NEGR1: variants seen among roughly 807,000 people sequenced by gnomAD.
NEGR1 encodes neuronal growth regulator 1.
Under a neutral mutation model 40.9 loss-of-function variants are expected in NEGR1, and 10 were observed. That is an observed-to-expected ratio of 0.24 (90% CI 0.15 to 0.42). NEGR1 has a LOEUF of 0.42. Among genes scored for constraint, NEGR1 ranks in the 10% least tolerant of loss-of-function variants. NEGR1 has a pLI of 1.00. For synonymous variants in NEGR1, 185 were observed against 166.8 expected (o/e 1.11, Z -0.84); for missense variants, 352 against 438.9 (o/e 0.80, Z 1.77).
chr1:72,176,191 G>C (rs573517055), intron 1 of NEGR1, among the ~76,000 whole-genome samples: 1 of 152,062 alleles, frequency 6.6e-6, no homozygotes, highest in Non-Finnish European at 1.5e-5. Flanking sequence ...GCAATGGTAT[G>C]TAGAATTTTA....
At chr1:72,068,793 T>C (rs1396252266) in intron 1 of NEGR1, among the ~76,000 whole-genome samples, 2 of 152,212 alleles carry the variant, frequency 1.3e-5, no homozygotes, top group East Asian at 3.8e-4. Context: ...AAATTGTCTC[T>C]AAATGCCAGT....
At chr1:71,541,963 A>C (rs749882722) in intron 6 of NEGR1, among the ~76,000 whole-genome samples, 2 of 151,754 alleles carry the variant, frequency 1.3e-5, no homozygotes, top group Non-Finnish European at 2.9e-5. Context: ...TTTTCCTGAC[A>C]CTATTCTAAG....
intron 6 of NEGR1, among the ~76,000 whole-genome samples, chr1:71,431,137 G>C: frequency 6.7e-6 from 1 of 149,214 alleles, no homozygotes; most frequent in Non-Finnish European, 1.5e-5. Context: ...TTATGATCAG[G>C]CAATAAATAT....
At chr1:71,574,559 T>C (rs939574329) in intron 6 of NEGR1, among the ~76,000 whole-genome samples, 4 of 152,136 alleles carry the variant, frequency 2.6e-5, no homozygotes, top group Non-Finnish European at 5.9e-5. Context: ...CCAGAAATTA[T>C]TGAATAAAAT....
At chr1:71,942,331 CT>C (rs1305520802) in intron 1 of NEGR1, among the ~76,000 whole-genome samples, 1 of 148,376 alleles carries the variant, frequency 6.7e-6, no homozygotes, top group Non-Finnish European at 1.5e-5. Flanking sequence ...ATTTTTCTTA[CT>C]TTTTTCATGC....
At chr1:72,040,307 G>C (rs1646940965) in intron 1 of NEGR1, among the ~76,000 whole-genome samples, 1 of 151,784 alleles carries the variant, frequency 6.6e-6, no homozygotes, top group African/African-American at 2.4e-5. Flanking sequence ...ATTCTGTGTT[G>C]AATCTGCAAT....
intron 6 of NEGR1, among the ~76,000 whole-genome samples, chr1:71,447,325 CAA>C (rs2101322481): frequency 6.6e-6 from 1 of 152,262 alleles, no homozygotes; most frequent in Admixed American, 6.5e-5. Flanking sequence ...GTAATCCACC[CAA>C]AGAGGTCAAA....
intron 3 of NEGR1, among the ~76,000 whole-genome samples, chr1:71,720,954 A>G (rs899011580): frequency 1.3e-5 from 2 of 152,178 alleles, no homozygotes; most frequent in Non-Finnish European, 2.9e-5. Context: ...AGAAAACATC[A>G]GTCAGCACTG....
intron 1 of NEGR1, among the ~76,000 whole-genome samples, chr1:72,103,868 T>A (rs1428097140): frequency 6.6e-6 from 1 of 152,070 alleles, no homozygotes; most frequent in Non-Finnish European, 1.5e-5. Context: ...TGTCTCTGGA[T>A]CGAGTAGATT....
At chr1:71,443,439 CT>C (rs1171494387) in intron 6 of NEGR1, among the ~76,000 whole-genome samples, 2 of 152,162 alleles carry the variant, frequency 1.3e-5, no homozygotes, top group Non-Finnish European at 2.9e-5. Context: ...GTTATATCCA[CT>C]TTTTTTAGTT....
At chr1:72,159,908 A>C (rs938872885) in intron 1 of NEGR1, among the ~76,000 whole-genome samples, 1 of 152,268 alleles carries the variant, frequency 6.6e-6, no homozygotes, top group African/African-American at 2.4e-5. Flanking sequence ...CTGATCTAAA[A>C]TTAAGGTGTA....
chr1:72,228,800 G>C (rs998437169), intron 1 of NEGR1, among the ~76,000 whole-genome samples: 1 of 152,080 alleles, frequency 6.6e-6, no homozygotes, highest in Non-Finnish European at 1.5e-5. Flanking sequence ...TAATTCTGTG[G>C]CATTTTAATA....
At chr1:72,279,835 A>G (rs1656182992) in intron 1 of NEGR1, among the ~76,000 whole-genome samples, 1 of 152,160 alleles carries the variant, frequency 6.6e-6, no homozygotes, top group African/African-American at 2.4e-5. Flanking sequence ...TAATGGAGAG[A>G]GAATTTCTTA....
chr1:71,929,591 A>C (rs938153738), intron 2 of NEGR1, among the ~76,000 whole-genome samples: 1 of 152,174 alleles, frequency 6.6e-6, no homozygotes, highest in Non-Finnish European at 1.5e-5. Context: ...GTAGCTCTGT[A>C]AAATTTTTGT....
intron 4 of NEGR1, among the ~76,000 whole-genome samples, chr1:71,660,077 A>C (rs935946303): frequency 2.6e-4 from 40 of 152,222 alleles, no homozygotes; most frequent in Admixed American, 4.6e-4. Context: ...AATCAATGTA[A>C]ATGTTGATCA....
At chr1:71,464,443 C>G (rs2101347884) in intron 6 of NEGR1, among the ~76,000 whole-genome samples, 1 of 152,082 alleles carries the variant, frequency 6.6e-6, no homozygotes, top group Non-Finnish European at 1.5e-5. Context: ...TAAAGAGAAG[C>G]AACAAACAAT....
At chr1:71,560,446 TA>T (rs1648415293) in intron 6 of NEGR1, among the ~76,000 whole-genome samples, 4 of 136,546 alleles carry the variant, frequency 2.9e-5, no homozygotes, top group Non-Finnish European at 4.7e-5. Flanking sequence ...TATATATATA[TA>T]TGTATATATA....
chr1:72,248,774 G>C (rs1654992842), intron 1 of NEGR1, among the ~76,000 whole-genome samples: 1 of 151,128 alleles, frequency 6.6e-6, no homozygotes, highest in African/African-American at 2.4e-5. Context: ...GTAGAAACAT[G>C]GTTTCGCCAT....
chr1:72,032,745 T>C (rs566671231), intron 1 of NEGR1, among the ~76,000 whole-genome samples: 5 of 152,270 alleles, frequency 3.3e-5, no homozygotes, highest in South Asian at 2.1e-4. Context: ...TTTTAGCATA[T>C]AGCAGCAGAG....
Sources: gnomAD v4.1 joint callset for allele counts (sites outside exome capture counted in the v4.1 genomes callset) on GRCh38, gnomAD v4.1.1 for gene constraint, MANE v1.5 for transcripts, NCBI Gene and HGNC (gene_info 2026-07-23, HGNC 2026-07-21) for gene names.